The following MCTP1 variants were observed in gnomAD, a reference collection of about 807,000 sequenced individuals.
The protein encoded by MCTP1 is multiple C2 and transmembrane domain-containing protein 1.
MCTP1 carries 69 observed loss-of-function variants against 120.6 expected under a neutral mutation model. That is an observed-to-expected ratio of 0.57 (90% CI 0.47 to 0.70). MCTP1 has a LOEUF of 0.70. Ranked by LOEUF, MCTP1 falls within the 30% of genes least tolerant of loss-of-function variation. MCTP1 has a pLI of 0.00. For synonymous variants in MCTP1, 529 were observed against 493.1 expected (o/e 1.07, Z -0.96); for missense variants, 1,203 against 1,248.8 (o/e 0.96, Z 0.55).
intron 1 of MCTP1, among the ~76,000 whole-genome samples, chr5:95,141,432 T>C (rs1759922292): frequency 6.6e-6 from 1 of 152,240 alleles, no homozygotes; most frequent in African/African-American, 2.4e-5. Context: ...TCTCAGCGTC[T>C]AGCCCTTGTG....
intron 1 of MCTP1, among the ~76,000 whole-genome samples, chr5:95,227,725 A>G (rs1663878351): frequency 6.6e-6 from 1 of 152,220 alleles, no homozygotes; most frequent in Admixed American, 6.5e-5. Flanking sequence ...ATGTTTTACA[A>G]TACATGTCAT....
At chr5:95,103,390 C>T (rs1236786401) in intron 1 of MCTP1, among the ~76,000 whole-genome samples, 2 of 152,052 alleles carry the variant, frequency 1.3e-5, no homozygotes, top group Non-Finnish European at 2.9e-5. Flanking sequence ...TGGTGAACAA[C>T]TGTATGGCAT....
chr5:95,138,212 T>C (rs904363407), intron 1 of MCTP1, among the ~76,000 whole-genome samples: 2 of 151,378 alleles, frequency 1.3e-5, no homozygotes, highest in African/African-American at 4.9e-5. Flanking sequence ...GATGCATTCA[T>C]AGACTTTCCT....
chr5:95,108,456 A>G (rs2152384297), intron 1 of MCTP1, among the ~76,000 whole-genome samples: 1 of 152,336 alleles, frequency 6.6e-6, no homozygotes, highest in Non-Finnish European at 1.5e-5. Flanking sequence ...AATGTGTTGC[A>G]GGCTCAAACA....
At chr5:94,950,362 A>G (rs1014292280) in intron 3 of MCTP1, among the ~76,000 whole-genome samples, 1 of 152,090 alleles carries the variant, frequency 6.6e-6, no homozygotes, top group African/African-American at 2.4e-5. Context: ...ACATAATCTT[A>G]TATATTGAAA....
chr5:94,900,069 C>T (rs916768654), intron 10 of MCTP1, among the ~76,000 whole-genome samples: 3 of 152,170 alleles, frequency 2.0e-5, no homozygotes, highest in Non-Finnish European at 2.9e-5. Flanking sequence ...GTCAACAGTA[C>T]CCTCCATGAC....
At chr5:95,062,257 A>T (rs1486583227) in intron 1 of MCTP1, among the ~76,000 whole-genome samples, 1 of 152,218 alleles carries the variant, frequency 6.6e-6, no homozygotes, top group Non-Finnish European at 1.5e-5. Context: ...GATTTAAGAG[A>T]ATCTATGTGC....
chr5:94,830,966 A>C (rs926412539), intron 17 of MCTP1, among the ~76,000 whole-genome samples: 1 of 152,174 alleles, frequency 6.6e-6, no homozygotes, highest in Non-Finnish European at 1.5e-5. Context: ...AAGGTAATGG[A>C]TGTGCACATG....
At position 94,706,503 on chromosome 5, in the gene MCTP1, TCTA is replaced by T. The variant is rs758394958; in HGVS notation, c.*990_*992del. ...GCATATCACTTAGCACACTGAATTC[TCTA>T]CATTAAAATTCACACTAATAACAAA... On this transcript the variant is annotated 3_prime_UTR_variant, in exon 23 of 23. Transcript: ENST00000515393. 6 of 151,560 alleles carry T rather than the reference TCTA, an allele frequency of 4.0e-5. No homozygotes were observed. The highest frequency in any genetic ancestry group is 8.9e-5 in the Non-Finnish European group (6 of 67,770). The allele number at this position is 151,560 out of a possible 1,614,324, so 9.4% of individuals were successfully genotyped here. A position where few individuals can be genotyped will look rare whatever the true frequency, so the allele number is the denominator to read the frequency against.
In MCTP1 at chr5:95,241,371, C is replaced by T. The variant is rs376049910; in HGVS notation, c.720+42485G>A. On this transcript the variant is annotated intron_variant, in intron 1 of 22. Transcript: ENST00000515393. ...TATGGTCTCTAAAATGAGGATAATG[C>T]CATTATTTTTAGAACATTAAGAAGT... 2.6e-5 allele frequency among the ~76,000 whole-genome samples: 4 copies of T among 152,064 alleles called. No homozygotes were observed. The East Asian group carries it at 5.8e-4, about 22-fold the overall frequency.
At chr5:95,208,094 G>C (rs2152563055) in intron 1 of MCTP1, among the ~76,000 whole-genome samples, 1 of 152,122 alleles carries the variant, frequency 6.6e-6, no homozygotes, top group East Asian at 1.9e-4. Flanking sequence ...CCCTGTTGTT[G>C]TTGTTGTTGT....
At chr5:94,815,799 C>A (rs1356145156) in intron 17 of MCTP1, among the ~76,000 whole-genome samples, 4 of 152,132 alleles carry the variant, frequency 2.6e-5, no homozygotes, top group African/African-American at 7.2e-5. Context: ...TGGCTCAAGA[C>A]CGTCTGGGTC....
intron 19 of MCTP1, among the ~76,000 whole-genome samples, chr5:94,733,477 G>A (rs1334581575): frequency 6.6e-6 from 1 of 152,200 alleles, no homozygotes; most frequent in Non-Finnish European, 1.5e-5. Context: ...GGTGCTAATC[G>A]CTGGGGTGTT....
intron 10 of MCTP1, among the ~76,000 whole-genome samples, chr5:94,906,251 C>T (rs1365420761): frequency 1.3e-5 from 2 of 151,966 alleles, no homozygotes; most frequent in African/African-American, 2.4e-5. Context: ...TTTGGGAGGC[C>T]GAGGATGGTG....
At chr5:94,986,365 G>A (rs886090374) in intron 2 of MCTP1, among the ~76,000 whole-genome samples, 3 of 152,026 alleles carry the variant, frequency 2.0e-5, no homozygotes, top group Admixed American at 2.0e-4. Flanking sequence ...ATACCCACTG[G>A]TTTGTGTAAT....
At chr5:95,172,017 G>A (rs1747369485) in intron 1 of MCTP1, among the ~76,000 whole-genome samples, 1 of 152,158 alleles carries the variant, frequency 6.6e-6, no homozygotes, top group African/African-American at 2.4e-5. Context: ...TTTCTGCTCT[G>A]TTTTTTCCCC....
chr5:94,832,486 C>T (rs1352874282), intron 17 of MCTP1, among the ~76,000 whole-genome samples: 3 of 152,068 alleles, frequency 2.0e-5, no homozygotes, highest in African/African-American at 4.8e-5. Context: ...ACATTTATAT[C>T]TCCCTCTATA....
chr5:95,239,019 T>C (rs990491424), intron 1 of MCTP1, among the ~76,000 whole-genome samples: 3 of 152,180 alleles, frequency 2.0e-5, no homozygotes, highest in Non-Finnish European at 4.4e-5. Context: ...TTTTTGGCTA[T>C]CATGCATCTA....
chr5:95,049,467 C>T (rs1219562034), intron 1 of MCTP1, among the ~76,000 whole-genome samples: 2 of 152,020 alleles, frequency 1.3e-5, no homozygotes, highest in Non-Finnish European at 2.9e-5. Context: ...AGTGAAGTAC[C>T]ACCACATGGG....
Sources: allele counts gnomAD v4.1 joint callset (sites outside exome capture counted in the v4.1 genomes callset), GRCh38; gene constraint gnomAD v4.1.1; transcripts MANE v1.5; gene names NCBI Gene and HGNC (gene_info 2026-07-23, HGNC 2026-07-21).